The following PCDH15 variants were observed in gnomAD, a reference collection of about 807,000 sequenced individuals.
PCDH15 encodes protocadherin-15.
In PCDH15, 129 loss-of-function variants were observed where a neutral mutation model predicts 178.5. That is an observed-to-expected ratio of 0.72 (90% CI 0.63 to 0.84). PCDH15 has a LOEUF of 0.84. PCDH15 is among the 40% of genes least tolerant of loss of function. The pLI is 0.00. For synonymous variants in PCDH15, 800 were observed against 732.0 expected (o/e 1.09, Z -1.50); for missense variants, 2,230 against 2,099.9 (o/e 1.06, Z -1.21).
intron 2 of PCDH15, among the ~76,000 whole-genome samples, chr10:54,618,050 G>A (rs1210458538): frequency 6.6e-6 from 1 of 152,014 alleles, no homozygotes; most frequent in Non-Finnish European, 1.5e-5. Flanking sequence ...TATATTAGAA[G>A]CCTGGGGAAT....
chr10:55,484,543 A>G (rs1403289878), intron 2 of PCDH15, among the ~76,000 whole-genome samples: 1 of 151,744 alleles, frequency 6.6e-6, no homozygotes, highest in Non-Finnish European at 1.5e-5. Context: ...TGGAAAAATA[A>G]TCCTAAAATA....
intron 18 of PCDH15, among the ~76,000 whole-genome samples, chr10:54,029,301 T>A (rs933069600): frequency 1.3e-5 from 2 of 152,162 alleles, no homozygotes. Context: ...ATATATATTT[T>A]CCTAGAAATC....
chr10:54,727,041 C>T (rs1942649606), intron 1 of PCDH15, among the ~76,000 whole-genome samples: 1 of 151,170 alleles, frequency 6.6e-6, no homozygotes, highest in Non-Finnish European at 1.5e-5. Flanking sequence ...GAGAGGTTGA[C>T]ATGAAAACTC....
At chr10:54,109,429 C>T (rs1178864210) in intron 15 of PCDH15, among the ~76,000 whole-genome samples, 1 of 152,078 alleles carries the variant, frequency 6.6e-6, no homozygotes, top group Non-Finnish European at 1.5e-5. Flanking sequence ...AAATCAAAGG[C>T]ATCAAACTCT....
intron 8 of PCDH15, among the ~76,000 whole-genome samples, chr10:54,295,791 T>C (rs1309274300): frequency 6.6e-6 from 1 of 152,110 alleles, no homozygotes; most frequent in Non-Finnish European, 1.5e-5. Flanking sequence ...TCACTTGCAA[T>C]TCTGTTCTAT....
Position 54,552,267 on chromosome 10 carries a change from T to C in PCDH15, c.92-24390A>G, listed in dbSNP as rs533854876. Among the ~76,000 whole-genome samples the C allele has an allele frequency of 3.7e-4, 57 of 152,312 alleles. No homozygotes were observed. The South Asian group carries it at 9.7e-3, about 26-fold the overall frequency. On this transcript the variant is annotated intron_variant, in intron 2 of 37. Coordinates refer to ENST00000644397, the MANE Select transcript of PCDH15 (RefSeq NM_001384140.1). ...CTATTTTTATGCACTAGCTCCATTATGAAACCTTTCAAAATCATAAAAAGT... is the reference window on the plus strand; with the variant it reads ...CTATTTTTATGCACTAGCTCCATTACGAAACCTTTCAAAATCATAAAAAGT...
chr10:54,078,017 G>A (rs928451312), intron 17 of PCDH15, among the ~76,000 whole-genome samples: 3 of 152,040 alleles, frequency 2.0e-5, no homozygotes, highest in Admixed American at 2.0e-4. Context: ...GAGCCGAGAT[G>A]TTTCCATTGC....
chr10:55,233,048 A>C (rs148916834), intron 1 of PCDH15, among the ~76,000 whole-genome samples: 143 of 109,790 alleles, frequency 1.3e-3, no homozygotes, highest in Non-Finnish European at 2.5e-3. Context: ...ACTAATACAC[A>C]GATATTTGGA....
chr10:53,927,824 A>C (rs1045397253), intron 25 of PCDH15, among the ~76,000 whole-genome samples: 2 of 152,148 alleles, frequency 1.3e-5, no homozygotes, highest in Non-Finnish European at 2.9e-5. Flanking sequence ...ATAAAATTGA[A>C]TAATACTACA....
At chr10:54,335,243 T>A (rs1940825105) in intron 6 of PCDH15, among the ~76,000 whole-genome samples, 2 of 152,208 alleles carry the variant, frequency 1.3e-5, no homozygotes, top group South Asian at 4.1e-4. Flanking sequence ...TTTTTTCTGT[T>A]TCATACTGTT....
At chr10:53,896,903 G>A (rs1295931680) in intron 26 of PCDH15, among the ~76,000 whole-genome samples, 1 of 152,094 alleles carries the variant, frequency 6.6e-6, no homozygotes, top group East Asian at 1.9e-4. Context: ...GGCTTCCACT[G>A]ATTCTACATT....
chr10:54,670,953 A>T (rs2094654782), intron 1 of PCDH15, among the ~76,000 whole-genome samples: 1 of 152,056 alleles, frequency 6.6e-6, no homozygotes, highest in Non-Finnish European at 1.5e-5. Context: ...TTAATTGCCA[A>T]TTTTTTTGAG....
At chr10:54,893,892 A>G (rs1954506219) in intron 3 of PCDH15, among the ~76,000 whole-genome samples, 1 of 152,104 alleles carries the variant, frequency 6.6e-6, no homozygotes, top group Non-Finnish European at 1.5e-5. Flanking sequence ...ATTCTAGATG[A>G]GTTACATTGT....
intron 2 of PCDH15, among the ~76,000 whole-genome samples, chr10:54,949,493 G>C (rs1416263734): frequency 6.6e-6 from 1 of 151,914 alleles, no homozygotes; most frequent in Non-Finnish European, 1.5e-5. Context: ...ATGCCCTGGA[G>C]ACATTTTCCC....
At position 54,752,506 on chromosome 10, in the gene PCDH15, CAAAAAACAAACAAACAAACAAACA is replaced by C. The variant is rs1566128056; in HGVS notation, c.-29+48395_-29+48418del. ...AAAAAAAAAAACAAAAAACAAAAAA[CAAAAAACAAACAAACAAACAAACA>C]AAAAAAAACAATAAAACAATTTTCC... On this transcript the variant is annotated intron_variant, in intron 1 of 37. Coordinates refer to ENST00000644397, the MANE Select transcript of PCDH15 (RefSeq NM_001384140.1). Among the ~76,000 whole-genome samples the C allele has an allele frequency of 3.8e-4, 20 of 53,202 alleles. 1 individual carries two copies. The highest frequency in any genetic ancestry group is 2.3e-3 in the South Asian group (5 of 2,168). The allele number at this position is 53,202 out of a possible 152,430, so 34.9% of individuals were successfully genotyped here.
chr10:53,810,764 G>A (rs919700040), intron 36 of PCDH15, 100 bp from the exon 37 acceptor site: 32 of 1,099,818 alleles, frequency 2.9e-5, no homozygotes, highest in Non-Finnish European at 4.4e-5. Context: ...CCATTCAATC[G>A]ACAGATATTT....
intron 3 of PCDH15, among the ~76,000 whole-genome samples, chr10:54,449,956 A>G (rs1162058984): frequency 1.3e-5 from 2 of 151,532 alleles, no homozygotes; most frequent in East Asian, 1.9e-4. Context: ...AAGGAAAACT[A>G]TGCACTGTAT....
chr10:54,726,428 GT>G (rs1233434745), intron 1 of PCDH15, among the ~76,000 whole-genome samples: 31 of 100,612 alleles, frequency 3.1e-4, no homozygotes, highest in African/African-American at 1.4e-3. Context: ...GGGTGTGTGT[GT>G]GTGTGTGTGT....
intron 8 of PCDH15, among the ~76,000 whole-genome samples, chr10:54,247,053 T>C (rs1377343090): frequency 6.6e-6 from 1 of 152,008 alleles, no homozygotes; most frequent in African/African-American, 2.4e-5. Context: ...ATCAGCTTAA[T>C]GTTTTATAAA....
Sources: gnomAD v4.1 joint callset for allele counts (sites outside exome capture counted in the v4.1 genomes callset) on GRCh38, gnomAD v4.1.1 for gene constraint, MANE v1.5 for transcripts, NCBI Gene and HGNC (gene_info 2026-07-23, HGNC 2026-07-21) for gene names.